The following RDH13 variants were observed in gnomAD, a reference collection of about 807,000 sequenced individuals.
RDH13 encodes retinol dehydrogenase 13 (all-trans and 9-cis).
Under a neutral mutation model 28.3 loss-of-function variants are expected in RDH13, and 35 were observed. The ratio of observed to expected loss-of-function variants is 1.24; its 90% confidence interval spans 0.95 to 1.64. RDH13 has a LOEUF of 1.64. Among genes scored for constraint, RDH13 ranks in the 40% most tolerant of loss-of-function variants. The pLI, the probability that RDH13 is intolerant of heterozygous loss-of-function variation, is 0.00. For synonymous variants in RDH13, 229 were observed against 198.5 expected (o/e 1.15, Z -1.29); for missense variants, 514 against 446.3 (o/e 1.15, Z -1.37).
Position 55,048,626 on chromosome 19 carries a change from G to C in RDH13, c.445+33C>G, listed in dbSNP as rs1028489104. 4 of 1,611,166 alleles carry C rather than the reference G, an allele frequency of 2.5e-6. No individual in the cohort carries two copies. In the African/African-American group the frequency reaches 5.3e-5, roughly 22 times the overall value. On this transcript the variant is annotated intron_variant, in intron 4 of 6. Transcript: ENST00000415061. Reference sequence around the variant, plus strand: ...GGAGGACGACGGGGGAGGATCGCTTGAACCCATGGTGCAGCCCCTGCCCAG... The same window carrying C: ...GGAGGACGACGGGGGAGGATCGCTTCAACCCATGGTGCAGCCCCTGCCCAG...
At chr19:55,045,536 G>A (rs550807631) in intron 6 of RDH13, among the ~76,000 whole-genome samples, 2 of 152,260 alleles carry the variant, frequency 1.3e-5, no homozygotes, top group African/African-American at 4.8e-5. Flanking sequence ...AGCCTTCCTG[G>A]CTTTGTCCAG....
At position 55,045,281 on chromosome 19, in the gene RDH13, GC is replaced by G; in HGVS notation, c.788del (p.Ser263ThrfsTer57). On this transcript the variant is annotated frameshift_variant, in exon 7 of 7. Transcript: ENST00000415061. LOFTEE classifies it high-confidence loss of function. The stretch of plus-strand genomic sequence containing the variant: ...TGCTGGGCTGGGCGGCCAGCTCGGG[GC>G]TCTTGACCAGCAGCCAGAAGATGGG... ...LGPIFWLLVK[S>X]PELAAQPSTY... 1 of 1,612,862 alleles carries G rather than the reference GC, an allele frequency of 6.2e-7. No homozygotes were observed. The highest frequency in any genetic ancestry group is 1.3e-5 in the African/African-American group (1 of 75,048).
chr19:55,068,186 C>T (rs1398868465), intron 1 of RDH13, among the ~76,000 whole-genome samples: 1 of 151,240 alleles, frequency 6.6e-6, no homozygotes, highest in East Asian at 1.9e-4. Flanking sequence ...TCTCTCTCCC[C>T]CCAACTCTCT....
At chr19:55,067,950 TC>T (rs1374927480), upstream of RDH13, among the ~76,000 whole-genome samples, 4 of 146,360 alleles carry the variant, frequency 2.7e-5, no homozygotes, top group African/African-American at 1.0e-4. Context: ...CCTCTTTCTG[TC>T]CCCCTCCTCC....
intron 1 of RDH13, among the ~76,000 whole-genome samples, chr19:55,060,606 C>A (rs1052651339): frequency 6.6e-6 from 1 of 152,164 alleles, no homozygotes; most frequent in Non-Finnish European, 1.5e-5. Context: ...TTTCTCTATA[C>A]TTTGTGTCTT....
At chr19:55,045,423 GC>G (rs1809132423) in intron 6 of RDH13, 114 bp from the exon 7 acceptor site, 1 of 744,220 alleles carries the variant, frequency 1.3e-6, no homozygotes, top group South Asian at 1.8e-5. Context: ...CCCTCCTCTA[GC>G]CCTTTCCCCT....
intron 2 of RDH13, among the ~76,000 whole-genome samples, chr19:55,058,764 C>T (rs1271391469): frequency 3.9e-5 from 6 of 152,208 alleles, no homozygotes; most frequent in South Asian, 4.1e-4. Flanking sequence ...CACTGCAACC[C>T]CTGCCTCTCA....
Position 55,063,065 on chromosome 19 carries a change from G to A in RDH13, c.-33C>T, listed in dbSNP as rs1167191899. 1 of 1,332,422 alleles carries A rather than the reference G, an allele frequency of 7.5e-7. No individual in the cohort carries two copies. The highest frequency in any genetic ancestry group is 9.6e-7 in the Non-Finnish European group (1 of 1,039,474). 82.5% of individuals were successfully genotyped at this position (1,332,422 alleles called of 1,614,324 possible). On this transcript the variant is annotated 5_prime_UTR_variant, in exon 1 of 7. Transcript: ENST00000415061. ...CGGGGACAGGCGTCAGGCGTCAGGG[G>A]TCGGCGCGGAGCTTGCTGCACACCA...
At chr19:55,051,963 C>A (rs2147023807) in intron 3 of RDH13, among the ~76,000 whole-genome samples, 1 of 151,744 alleles carries the variant, frequency 6.6e-6, no homozygotes, top group East Asian at 2.0e-4. Context: ...AATTTCTGAG[C>A]TTAGGCAATT....
At position 55,052,722 on chromosome 19, in the gene RDH13, C is replaced by T. The variant is rs183386099; in HGVS notation, c.340+3931G>A. On this transcript the variant is annotated intron_variant, in intron 3 of 6. Transcript: ENST00000415061. ...TGTCACCCAGGCTGGAGTGCAGTGGCGCCATCTCGGCTCACTGCAAGCTCC... is the reference window on the plus strand; with the variant it reads ...TGTCACCCAGGCTGGAGTGCAGTGGTGCCATCTCGGCTCACTGCAAGCTCC... Among the ~76,000 whole-genome samples, 26 of 150,864 alleles carry T rather than the reference C, an allele frequency of 1.7e-4. No homozygotes were observed. In the East Asian group the frequency reaches 4.6e-3, roughly 27 times the overall value.
At chr19:55,046,097 T>G (rs1170677529) in intron 6 of RDH13, among the ~76,000 whole-genome samples, 2 of 150,292 alleles carry the variant, frequency 1.3e-5, no homozygotes, top group East Asian at 4.0e-4. Context: ...AAATAAAAAC[T>G]TAGCTGGGTG....
At chr19:55,048,583 T>A (rs1241753428) in intron 4 of RDH13, 42 bp from the exon 5 acceptor site, 1 of 1,611,350 alleles carries the variant, frequency 6.2e-7, no homozygotes, top group South Asian at 1.1e-5. Flanking sequence ...GACTCACACC[T>A]AAAATCCCAG....
In RDH13 at chr19:55,048,361, A is replaced by C; in HGVS notation, c.626T>G (p.Leu209Arg). The change falls in exon 5 of 7, where the codon CTC (leucine) becomes CGC (arginine). Residue 209 changes from leucine to arginine, a missense_variant. Transcript: ENST00000415061. ...CCGCCGGCTCAGCTCCTTGGTGAAG[A>C]GGACGATGGCGAGCTTGCTCTGGCA... The part of the protein sequence containing the change: ...AYCQSKLAIV[L>R]FTKELSRRLQ... The C allele has an allele frequency of 6.2e-7, 1 of 1,614,178 alleles. No individual in the cohort carries two copies. The highest frequency in any genetic ancestry group is 1.3e-5 in the African/African-American group (1 of 75,054).
chr19:55,059,209 C>T lies in RDH13; in HGVS notation c.132G>A (p.Thr44=), dbSNP rs770407762. 45 of 1,604,710 alleles carry T rather than the reference C, an allele frequency of 2.8e-5. No homozygotes were observed. In the South Asian group the frequency reaches 3.6e-4, roughly 13 times the overall value. Residue 44 remains threonine, a synonymous_variant, in exon 2 of 7, where the codon ACG becomes ACA. Coordinates refer to ENST00000415061, the MANE Select transcript of RDH13 (RefSeq NM_001145971.2). ...ATIPGKTVIV[T]GANTGIGKQT... is the part of the protein sequence containing the mutation. The stretch of plus-strand genomic sequence containing the variant: ...GCTTCCCGATGCCTGTGTTGGCACC[C>T]GTCACGATGACCGTCTTCCCAGGGA...
At chr19:55,058,402 CAATAAT>C (rs954663069) in intron 2 of RDH13, among the ~76,000 whole-genome samples, 8 of 150,430 alleles carry the variant, frequency 5.3e-5, no homozygotes, top group Non-Finnish European at 1.0e-4. Context: ...AAAAAAAAAA[CAATAAT>C]AATAATTCCT....
rs776230790 is a variant in RDH13 at position 55,045,035 on chromosome 19, C to G, written c.*39G>C. ...GGCATGGCGGACAGCTGTCCTCGGT[C>G]TGGAGGCGCCATCCTGGCTTTCAAA... On this transcript the variant is annotated 3_prime_UTR_variant, in exon 7 of 7. Coordinates refer to ENST00000415061, the MANE Select transcript of RDH13 (RefSeq NM_001145971.2). The G allele has an allele frequency of 4.1e-6, 6 of 1,462,038 alleles. No homozygotes were observed. The Admixed American group carries it at 1.2e-4, about 29-fold the overall frequency. The allele number at this position is 1,462,038 out of a possible 1,614,324, so 90.6% of individuals were successfully genotyped here.
chr19:55,048,909 T>A (rs1478519237), intron 3 of RDH13, 146 bp from the exon 4 acceptor site: 1 of 708,706 alleles, frequency 1.4e-6, no homozygotes, highest in East Asian at 2.7e-5. Context: ...CATGTCAGGA[T>A]GCGGTCATTA....
intron 3 of RDH13, chr19:55,053,969 C>A (rs2075548612): frequency 6.6e-6 from 1 of 152,196 alleles, no homozygotes; most frequent in South Asian, 2.1e-4. Context: ...TCTCACTGTT[C>A]TTTGTGATCT....
intron 3 of RDH13, among the ~76,000 whole-genome samples, chr19:55,053,133 C>G (rs915241057): frequency 2.0e-5 from 3 of 147,654 alleles, no homozygotes; most frequent in Admixed American, 6.8e-5. Context: ...AGAGTGTCAT[C>G]TCACAAACTG....
Sources: allele counts gnomAD v4.1 joint callset (sites outside exome capture counted in the v4.1 genomes callset), GRCh38; gene constraint gnomAD v4.1.1; transcripts MANE v1.5; gene names NCBI Gene and HGNC (gene_info 2026-07-23, HGNC 2026-07-21).